ACOT1: variants seen among roughly 807,000 people sequenced by gnomAD.
ACOT1 encodes acyl-coenzyme A thioesterase 1.
ACOT1 carries 8 observed loss-of-function variants against 15.7 expected under a neutral mutation model. The observed-to-expected ratio is 0.51, with a 90% CI of 0.30 to 0.92. ACOT1 has a LOEUF of 0.92. Ranked by LOEUF, ACOT1 falls within the 40% of genes least tolerant of loss-of-function variation. The pLI is 0.06. For synonymous variants in ACOT1, 67 were observed against 241.2 expected, an observed-to-expected ratio of 0.28 and a Z score of 6.69; for missense variants, 151 against 539.4, an observed-to-expected ratio of 0.28 and a Z score of 7.13.
the ACOT1 span, chr14:73,511,971 C>T: frequency 1.2e-6 from 2 of 1,613,212 alleles, no homozygotes; most frequent in Non-Finnish European, 1.7e-6. Flanking sequence ...TTATGAGTTG[C>T]TTATGTTCTC....
chr14:73,496,562 C>T, the ACOT1 span: 1 of 1,315,952 alleles, frequency 7.6e-7, no homozygotes, highest in South Asian at 1.2e-5. Context: ...CTTGAGAGTC[C>T]TGAATTTTCT....
the ACOT1 span, among the ~76,000 whole-genome samples, chr14:73,497,704 G>A: frequency 6.6e-6 from 1 of 151,748 alleles, no homozygotes; most frequent in Non-Finnish European, 1.5e-5. Context: ...TCGGCTCACC[G>A]CAACCTCCAC....
chr14:73,537,919 G>A lies in ACOT1; in HGVS notation c.457+41G>A. 1.8e-5 allele frequency: 21 copies of A among 1,148,086 alleles called. 8 individuals carry two copies. Among genetic ancestry groups the A allele is most frequent in the Non-Finnish European group, 2.3e-5 (21 of 895,256 alleles). 71.1% of individuals were successfully genotyped at this position (1,148,086 alleles called of 1,614,324 possible). A position where few individuals can be genotyped will look rare whatever the true frequency, so the allele number is the denominator to read the frequency against. ...TAATTGTTCCCCTCTGCCCATCCCT[G>A]TTCCTGCGCTTTCCACTGTGTGTGT... On this transcript the variant is annotated intron_variant, in intron 1 of 2. Transcript: ENST00000311148.
chr14:73,540,761 T>G (rs1156586187), intron 1 of ACOT1, among the ~76,000 whole-genome samples: 2 of 105,302 alleles, frequency 1.9e-5, no homozygotes, highest in African/African-American at 7.0e-5. Context: ...TTTTTTTTTT[T>G]GAGACAGTGT....
At chr14:73,505,542 G>C in the ACOT1 span, among the ~76,000 whole-genome samples, 1 of 151,974 alleles carries the variant, frequency 6.6e-6, no homozygotes, top group Non-Finnish European at 1.5e-5. Flanking sequence ...GATTACAGGT[G>C]CCAGCCACCA....
the ACOT1 span, among the ~76,000 whole-genome samples, chr14:73,505,731 A>G: frequency 6.6e-6 from 1 of 151,736 alleles, no homozygotes; most frequent in Non-Finnish European, 1.5e-5. Flanking sequence ...ACACTCTGAG[A>G]AGCAGCACAG....
the ACOT1 span, chr14:73,500,871 T>G: frequency 2.8e-6 from 2 of 702,540 alleles, no homozygotes; most frequent in African/African-American, 1.8e-5. Context: ...AGATAAGTTT[T>G]ACTGGGTACA....
chr14:73,492,417 C>A, the ACOT1 span: 1 of 1,613,808 alleles, frequency 6.2e-7, no homozygotes, highest in African/African-American at 1.3e-5. The surrounding 1 kb of genome is among the most constrained non-coding windows in gnomAD (Gnocchi z 4.9). Flanking sequence ...GCCCAGCATT[C>A]AGATTCTAAG....
At chr14:73,492,782 C>T in the ACOT1 span, 5 of 1,613,758 alleles carry the variant, frequency 3.1e-6, no homozygotes, top group South Asian at 4.4e-5. The surrounding 1 kb of genome is among the most constrained non-coding windows in gnomAD (Gnocchi z 4.9). Flanking sequence ...GGAAATATAC[C>T]CCCAGCAAGC....
the ACOT1 span, chr14:73,492,387 A>C: frequency 6.2e-7 from 1 of 1,613,834 alleles, no homozygotes. The surrounding 1 kb of genome is among the most constrained non-coding windows in gnomAD (Gnocchi z 4.9). Flanking sequence ...CTGCCCCGAG[A>C]CTTCATGGAT....
At chr14:73,532,602 G>T (rs549785895), upstream of ACOT1, among the ~76,000 whole-genome samples, 1 of 115,438 alleles carries the variant, frequency 8.7e-6, no homozygotes, top group African/African-American at 2.8e-5. Context: ...TTGGGCTCAA[G>T]CTGCACTCAG....
chr14:73,491,374 G>C, the ACOT1 span: 1 of 1,360,258 alleles, frequency 7.4e-7, no homozygotes, highest in South Asian at 1.9e-5. Flanking sequence ...AGACCCCGTC[G>C]GCGCGCCTGG....
At chr14:73,532,954 C>CAA (rs1238461025), upstream of ACOT1, among the ~76,000 whole-genome samples, 4 of 103,728 alleles carry the variant, frequency 3.9e-5, 1 homozygote, top group African/African-American at 1.2e-4. Flanking sequence ...GACTCCATCT[C>CAA]AAAAAAATAA....
the ACOT1 span, among the ~76,000 whole-genome samples, chr14:73,506,962 G>C: frequency 2.0e-5 from 3 of 151,868 alleles, no homozygotes; most frequent in South Asian, 6.2e-4. Flanking sequence ...CACCACGCCC[G>C]GTTAATTTTT....
chr14:73,517,949 G>A, the ACOT1 span, among the ~76,000 whole-genome samples: 3 of 152,036 alleles, frequency 2.0e-5, no homozygotes, highest in African/African-American at 7.2e-5. Flanking sequence ...AGCTGGGTGT[G>A]GTGGCGCGCA....
the ACOT1 span, chr14:73,506,599 A>G: frequency 4.0e-6 from 6 of 1,513,222 alleles, no homozygotes; most frequent in Non-Finnish European, 5.5e-6. Context: ...TTGTATGGAT[A>G]TTCACAATCA....
At chr14:73,529,692 G>T in the ACOT1 span, among the ~76,000 whole-genome samples, 5,410 of 152,292 alleles carry the variant, frequency 0.036, 138 homozygotes, top group Non-Finnish European at 0.057. Flanking sequence ...CCTCTGGTCT[G>T]ATACCTTTAT....
the ACOT1 span, chr14:73,522,429 C>T: frequency 3.7e-6 from 6 of 1,614,130 alleles, no homozygotes; most frequent in African/African-American, 1.3e-5. Flanking sequence ...TGACTCCAGT[C>T]GTACTGCTGG....
At chr14:73,518,401 C>A in the ACOT1 span, among the ~76,000 whole-genome samples, 1 of 149,132 alleles carries the variant, frequency 6.7e-6, no homozygotes, top group East Asian at 1.9e-4. Context: ...AAGACTCTGT[C>A]TCCAAAAAAA....
Sources: gnomAD v4.1 joint callset for allele counts (sites outside exome capture counted in the v4.1 genomes callset) on GRCh38, gnomAD v4.1.1 for gene constraint, Gnocchi (gnomAD v3.1) non-coding constraint, MANE v1.5 for transcripts, NCBI Gene and HGNC (gene_info 2026-07-23, HGNC 2026-07-21) for gene names.